The following PHF14 variants were observed in gnomAD, a reference collection of about 807,000 sequenced individuals.
The protein encoded by PHF14 is PHD finger protein 14.
A neutral mutation model predicts 117.9 loss-of-function variants in PHF14; 55 were observed. The ratio of observed to expected loss-of-function variants is 0.47; its 90% CI spans 0.38 to 0.58. The LOEUF is 0.58. Among genes scored for constraint, PHF14 ranks in the 20% least tolerant of loss-of-function variants. The pLI, the probability that PHF14 is intolerant of heterozygous loss-of-function variation, is 0.00. For missense variants in PHF14, 978 were observed against 1,122.2 expected, an observed-to-expected ratio of 0.87 and a Z score of 1.84; for synonymous variants, 409 against 368.6, an observed-to-expected ratio of 1.11 and a Z score of -1.26.
chr7:11,060,266 G>A (rs772501611), intron 14 of PHF14, among the ~76,000 whole-genome samples: 5 of 152,132 alleles, frequency 3.3e-5, no homozygotes, highest in Non-Finnish European at 1.5e-5. Flanking sequence ...ATTAAAACAA[G>A]TTAATTGAGT....
At chr7:11,038,631 C>G (rs1437972902) in intron 10 of PHF14, 129 bp from the exon 11 acceptor site, 1 of 258,770 alleles carries the variant, frequency 3.9e-6, no homozygotes, top group Non-Finnish European at 7.0e-6. Flanking sequence ...GCACTCCAGC[C>G]TGGTGACAGA....
At chr7:11,016,492 C>T (rs762146249) in intron 5 of PHF14, among the ~76,000 whole-genome samples, 8 of 151,990 alleles carry the variant, frequency 5.3e-5, no homozygotes, top group Non-Finnish European at 8.8e-5. Flanking sequence ...AAAACCAGTA[C>T]ATTCTTGTCA....
chr7:11,004,982 A>G (rs1783028432), intron 4 of PHF14, among the ~76,000 whole-genome samples: 1 of 151,762 alleles, frequency 6.6e-6, no homozygotes, highest in Admixed American at 6.6e-5. Context: ...CTGTCACTGC[A>G]CTCCAGCCTG....
At position 10,983,025 on chromosome 7, in the gene PHF14, G is replaced by A; in HGVS notation, c.766G>A (p.Asp256Asn). 6.3e-7 allele frequency: 1 copy of A among 1,588,112 alleles called. No homozygotes were observed. The highest frequency in any genetic ancestry group is 8.5e-7 in the Non-Finnish European group (1 of 1,170,582). The change falls in exon 3 of 18, where the codon GAT (aspartate) becomes AAT (asparagine). Residue 256 changes from aspartate (D) to asparagine (N), a missense_variant. By Grantham distance (23) the Asp-to-Asn change is conservative. Around this residue, in one of 7 missense-constraint regions of PHF14, gnomAD observed 414 missense variants for 376.4 expected, o/e 1.10. Coordinates refer to ENST00000634607, the MANE Select transcript of PHF14 (RefSeq NM_001007157.2). ...SDEDENDEGN[D>N]EDHSSPASEG... ...TGAAGACGAGAATGATGAAGGCAATGATGAAGATCATAGTAGCCCTGCCAG... is the reference window on the plus strand; with the variant it reads ...TGAAGACGAGAATGATGAAGGCAATAATGAAGATCATAGTAGCCCTGCCAG...
At chr7:11,089,923 C>T (rs1368904410) in intron 16 of PHF14, among the ~76,000 whole-genome samples, 2 of 152,046 alleles carry the variant, frequency 1.3e-5, no homozygotes, top group African/African-American at 2.4e-5. Context: ...AGGCATGTGC[C>T]GTCACGACCG....
In PHF14 at chr7:11,111,382, G is replaced by A. The variant is rs1459670163; in HGVS notation, c.2687G>A (p.Gly896Asp). Reference sequence around the variant, plus strand: ...GAATGCAGACTCTGCTACCATTTTGGCTGTTTGGATCCTCCTTTGAAAAAG... The same window carrying A: ...GAATGCAGACTCTGCTACCATTTTGACTGTTTGGATCCTCCTTTGAAAAAG... ...CDECRLCYHF[G>D]CLDPPLKKSP... The change falls in exon 17 of 18, where the codon GGC (glycine) becomes GAC (aspartate). Residue 896 changes from glycine (G) to aspartate (D), a missense_variant. Coordinates refer to ENST00000634607, the MANE Select transcript of PHF14 (RefSeq NM_001007157.2). 6.2e-7 allele frequency: 1 copy of A among 1,606,240 alleles called. No individual in the cohort carries two copies. Among genetic ancestry groups the A allele is most frequent in the African/African-American group, 1.3e-5 (1 of 74,804 alleles).
At chr7:11,005,527 C>G (rs1297213748) in intron 4 of PHF14, among the ~76,000 whole-genome samples, 2 of 152,216 alleles carry the variant, frequency 1.3e-5, no homozygotes, top group Non-Finnish European at 2.9e-5. Flanking sequence ...TTTTCTGTCT[C>G]TACCTCTAAA....
intron 17 of PHF14, among the ~76,000 whole-genome samples, chr7:11,116,933 A>G (rs1441630696): frequency 1.3e-5 from 2 of 152,026 alleles, no homozygotes; most frequent in Non-Finnish European, 2.9e-5. Flanking sequence ...CATATAAGAT[A>G]TAAAGTAGAC....
intron 17 of PHF14, among the ~76,000 whole-genome samples, chr7:11,129,890 G>T (rs758126632): frequency 6.6e-6 from 1 of 151,944 alleles, no homozygotes; most frequent in Non-Finnish European, 1.5e-5. Flanking sequence ...TAGGATGATT[G>T]CTTTCAGCAC....
chr7:11,097,022 C>G (rs1488163263), intron 16 of PHF14, among the ~76,000 whole-genome samples: 1 of 147,764 alleles, frequency 6.8e-6, no homozygotes, highest in Non-Finnish European at 1.5e-5. Context: ...TCTTGTTGCC[C>G]CGGCTGGAGT....
In PHF14 at chr7:11,027,405, A is replaced by G. The variant is rs541244684; in HGVS notation, c.1318-1276A>G. On this transcript the variant is annotated intron_variant, in intron 6 of 17. Transcript: ENST00000634607. ...CTTATGTAGTTCACTTTGAATACTT[A>G]TATTAAACAATTCTTTAATTGTCCA... Among the ~76,000 whole-genome samples the G allele has an allele frequency of 2.0e-5, 3 of 152,254 alleles. No homozygotes were observed. In the South Asian group the frequency reaches 6.2e-4, roughly 32 times the overall value.
rs1176303492 is a variant in PHF14, at chr7:11,028,788, A to C, written c.1425A>C (p.Glu475Asp). ...AYFHVTCAQK[E>D]GLLSEAAAEE... ...TCCATGTGACCTGTGCTCAAAAGGA[A>C]GGTCTGCTTTCAGAGGCAGCGGCGG... Residue 475 changes from glutamate (E) to aspartate (D), a missense_variant, in exon 7 of 18, where the codon GAA becomes GAC. Physicochemically the swap from Glu to Asp is conservative, Grantham distance 45. Coordinates refer to ENST00000634607, the MANE Select transcript of PHF14 (RefSeq NM_001007157.2). 6.2e-7 allele frequency: 1 copy of C among 1,613,858 alleles called. No homozygotes were observed. Among genetic ancestry groups the C allele is most frequent in the Middle Eastern group, 1.6e-4 (1 of 6,062 alleles).
At chr7:11,166,619 A>T (rs1439283856) in intron 17 of PHF14, among the ~76,000 whole-genome samples, 1 of 152,170 alleles carries the variant, frequency 6.6e-6, no homozygotes, top group Non-Finnish European at 1.5e-5. Context: ...TTTATGATAA[A>T]ATCTATTACT....
At chr7:11,060,892 TTAAA>T (rs1167822687) in intron 14 of PHF14, among the ~76,000 whole-genome samples, 1 of 134,962 alleles carries the variant, frequency 7.4e-6, no homozygotes, top group African/African-American at 3.1e-5. Context: ...AGCCATGGTA[TTAAA>T]TAACAGTGTA....
intron 16 of PHF14, chr7:11,062,950 A>T: frequency 4.2e-6 from 4 of 950,214 alleles, no homozygotes; most frequent in Non-Finnish European, 5.0e-6. Flanking sequence ...AAATTAACTG[A>T]GGACACAGAA....
At chr7:11,144,911 A>G (rs1184645844) in intron 17 of PHF14, among the ~76,000 whole-genome samples, 24 of 152,014 alleles carry the variant, frequency 1.6e-4, no homozygotes, top group Admixed American at 1.6e-3. Flanking sequence ...TCATAGAGAC[A>G]GGGAGTAGAA....
intron 17 of PHF14, among the ~76,000 whole-genome samples, chr7:11,138,647 A>T (rs1236988635): frequency 1.3e-5 from 2 of 152,200 alleles, no homozygotes; most frequent in Non-Finnish European, 2.9e-5. Flanking sequence ...CAAATATTTT[A>T]ATTTCTGATA....
At chr7:11,104,666 CGTT>C in intron 16 of PHF14, 2 of 963,206 alleles carry the variant, frequency 2.1e-6, no homozygotes, top group East Asian at 1.1e-4. Flanking sequence ...GGTTCTCAAA[CGTT>C]GTGCATTGGA....
intron 16 of PHF14, among the ~76,000 whole-genome samples, chr7:11,068,349 CAAAAAAA>C (rs10659513): frequency 4.5e-5 from 3 of 66,772 alleles, no homozygotes; most frequent in Non-Finnish European, 8.4e-5. Context: ...GACTCCGTCT[CAAAAAAA>C]AAAAAAAAAA....
Sources: gnomAD v4.1 joint callset for allele counts (sites outside exome capture counted in the v4.1 genomes callset) on GRCh38, gnomAD v4.1.1 for gene constraint, gnomAD v4.1.1 regional missense constraint, MANE v1.5 for transcripts, NCBI Gene and HGNC (gene_info 2026-07-23, HGNC 2026-07-21) for gene names.